TRERF1: variants seen among roughly 807,000 people sequenced by gnomAD.
TRERF1 encodes transcriptional-regulating factor 1.
Under a neutral mutation model 122.9 loss-of-function variants are expected in TRERF1, and 27 were observed. The ratio of observed to expected loss-of-function variants is 0.22; its 90% confidence interval spans 0.16 to 0.30. The LOEUF (loss-of-function observed/expected upper bound fraction) is 0.30. Among genes scored for constraint, TRERF1 ranks in the 10% least tolerant of loss-of-function variants. TRERF1 has a pLI of 1.00. For synonymous variants in TRERF1, 636 were observed against 641.7 expected, an observed-to-expected ratio of 0.99 and a Z score of 0.13; for missense variants, 1,248 against 1,560.3, an observed-to-expected ratio of 0.80 and a Z score of 3.37.
intron 4 of TRERF1, among the ~76,000 whole-genome samples, chr6:42,285,459 T>C (rs1247388296): frequency 2.0e-5 from 3 of 152,120 alleles, no homozygotes; most frequent in East Asian, 1.9e-4. Flanking sequence ...CTTTTCCTAA[T>C]TGAATACTCT....
At chr6:42,436,051 T>G (rs1785294809) in intron 2 of TRERF1, among the ~76,000 whole-genome samples, 2 of 152,052 alleles carry the variant, frequency 1.3e-5, no homozygotes, top group South Asian at 4.1e-4. Context: ...CATAAATATC[T>G]GTTGAACATA....
intron 4 of TRERF1, among the ~76,000 whole-genome samples, chr6:42,272,556 T>G (rs1022110196): frequency 6.6e-6 from 1 of 152,196 alleles, no homozygotes; most frequent in African/African-American, 2.4e-5. Flanking sequence ...ATTGAGATGA[T>G]GCCCACCCCC....
chr6:42,417,328 G>GCTAAAGCCAGCAGCCC (rs2307594), intron 2 of TRERF1, among the ~76,000 whole-genome samples: 3 of 151,826 alleles, frequency 2.0e-5, no homozygotes, highest in African/African-American at 7.3e-5. Context: ...CTACCCCACG[G>GCTAAAGCCAGCAGCCC]ACCCCACTCC....
intron 2 of TRERF1, among the ~76,000 whole-genome samples, chr6:42,422,504 C>CAAAAA (rs70987594): frequency 1.7e-5 from 2 of 120,696 alleles, no homozygotes; most frequent in African/African-American, 3.5e-5. Context: ...ACCCTGTCTC[C>CAAAAA]AAAAAAAAAA....
chr6:42,342,057 C>T (rs1472756898), intron 3 of TRERF1, among the ~76,000 whole-genome samples: 3 of 152,210 alleles, frequency 2.0e-5, no homozygotes, highest in Admixed American at 1.3e-4. Context: ...CAACCATTTT[C>T]CAGGAACTGC....
At chr6:42,299,613 C>T (rs575727043) in intron 4 of TRERF1, among the ~76,000 whole-genome samples, 1 of 152,300 alleles carries the variant, frequency 6.6e-6, no homozygotes, top group South Asian at 2.1e-4. Context: ...AATAAGCTAA[C>T]TTATCTTTCA....
At chr6:42,327,067 T>C (rs1438765008) in intron 3 of TRERF1, among the ~76,000 whole-genome samples, 1 of 152,218 alleles carries the variant, frequency 6.6e-6, no homozygotes, top group Non-Finnish European at 1.5e-5. Context: ...TCTGATGTTA[T>C]ACAATGCCCA....
chr6:42,386,978 A>G (rs1314548860), intron 2 of TRERF1, among the ~76,000 whole-genome samples: 1 of 152,126 alleles, frequency 6.6e-6, no homozygotes, highest in Non-Finnish European at 1.5e-5. Flanking sequence ...TACCATCATC[A>G]CCACCATCAC....
intron 2 of TRERF1, among the ~76,000 whole-genome samples, chr6:42,436,891 T>A (rs2151734579): frequency 6.9e-6 from 1 of 145,290 alleles, no homozygotes; most frequent in Non-Finnish European, 1.5e-5. Context: ...AGTGAAAAAG[T>A]CTTAACACTA....
At chr6:42,314,614 G>A (rs1762189633) in intron 3 of TRERF1, among the ~76,000 whole-genome samples, 1 of 152,180 alleles carries the variant, frequency 6.6e-6, no homozygotes, top group Non-Finnish European at 1.5e-5. Context: ...TAATTAAAGT[G>A]TATAGTGTAT....
intron 2 of TRERF1, among the ~76,000 whole-genome samples, chr6:42,367,718 A>C (rs1581820030): frequency 6.6e-6 from 1 of 151,586 alleles, no homozygotes; most frequent in African/African-American, 2.4e-5. Context: ...TCTCTCTCCC[A>C]CCCCTACCCA....
In TRERF1 at chr6:42,332,094, C is replaced by G. The variant is rs181187960; in HGVS notation, c.-371+30903G>C. Among the ~76,000 whole-genome samples, 78 of 152,342 alleles carry G rather than the reference C, an allele frequency of 5.1e-4. 1 individual carries two copies. The highest frequency in any genetic ancestry group is 1.8e-3 in the African/African-American group (74 of 41,578). On this transcript the variant is annotated intron_variant, in intron 3 of 17. Coordinates refer to ENST00000372922, the Ensembl canonical transcript of TRERF1. ...AGTAGCTGAGATTACAGGTATGTGC[C>G]ACCACACCTGGGTACTTTTTGTATT...
At chr6:42,247,991 C>T (rs1332248669) in intron 13 of TRERF1, among the ~76,000 whole-genome samples, 5 of 152,126 alleles carry the variant, frequency 3.3e-5, no homozygotes, top group Non-Finnish European at 7.3e-5. Flanking sequence ...CCTCCCATTC[C>T]GGGCGAGTCC....
chr6:42,374,652 C>T (rs918267229), intron 2 of TRERF1, among the ~76,000 whole-genome samples: 2 of 152,122 alleles, frequency 1.3e-5, no homozygotes, highest in Admixed American at 6.6e-5. Flanking sequence ...GAGGACAGCC[C>T]GGTCCTACCC....
intron 4 of TRERF1, among the ~76,000 whole-genome samples, chr6:42,283,256 C>T (rs760303108): frequency 2.0e-5 from 3 of 152,176 alleles, no homozygotes; most frequent in Non-Finnish European, 2.9e-5. Context: ...ATGCATCGGG[C>T]GACTCAAAAT....
At chr6:42,254,345 T>C (rs1274390346) in intron 13 of TRERF1, among the ~76,000 whole-genome samples, 1 of 152,182 alleles carries the variant, frequency 6.6e-6, no homozygotes, top group Non-Finnish European at 1.5e-5. Context: ...AAAATAATTG[T>C]TGGATACATG....
At position 42,269,505 on chromosome 6, in the gene TRERF1, T is replaced by G; in HGVS notation, c.86A>C (p.His29Pro). Residue 29 changes from histidine to proline, a missense_variant, in exon 5 of 18, where the codon CAC (histidine) becomes CCC (proline). This residue lies in a region of TRERF1 where 946 missense variants were observed against 1,073.0 expected (regional missense o/e 0.88). Transcript: ENST00000372922. This position sits in a 1 kb window ranked among gnomAD's most constrained non-coding sequence, Gnocchi z 4.9. ...CCCATAGTTGTGGTTCAGCCCGCTG[T>G]GGACGCCAAGTGGTGGCTGTTGGTA... 1 of 1,614,234 alleles carries G rather than the reference T, an allele frequency of 6.2e-7. No individual in the cohort carries two copies.
chr6:42,262,028 C>G (rs1222206760), intron 8 of TRERF1, among the ~76,000 whole-genome samples: 1 of 151,990 alleles, frequency 6.6e-6, no homozygotes, highest in African/African-American at 2.4e-5. Flanking sequence ...TGACTATGAA[C>G]TCTTAATTGA....
chr6:42,236,470 G>T, intron 15 of TRERF1, 59 bp from the exon 16 acceptor site: 1 of 1,529,268 alleles, frequency 6.5e-7, no homozygotes, highest in Non-Finnish European at 8.8e-7. Context: ...TCTTAGTGAT[G>T]AACAGAACTC....
Sources: gnomAD v4.1 joint callset for allele counts (sites outside exome capture counted in the v4.1 genomes callset) on GRCh38, gnomAD v4.1.1 for gene constraint, gnomAD v4.1.1 regional missense constraint, Gnocchi (gnomAD v3.1) non-coding constraint, MANE v1.5 for transcripts, NCBI Gene and HGNC (gene_info 2026-07-23, HGNC 2026-07-21) for gene names.